NEBL: variants seen among roughly 807,000 people sequenced by gnomAD.
The protein encoded by NEBL is nebulette.
Under a neutral mutation model 140.2 loss-of-function variants are expected in NEBL, and 122 were observed. The observed-to-expected ratio is 0.87, with a 90% CI of 0.75 to 1.01. NEBL has a LOEUF of 1.01. Among genes scored for constraint, NEBL ranks in the 50% least tolerant of loss-of-function variants. The pLI, the probability that NEBL is intolerant of heterozygous loss-of-function variation, is 0.00. For synonymous variants in NEBL, 436 were observed against 398.9 expected (o/e 1.09, Z -1.11); for missense variants, 1,365 against 1,231.3 (o/e 1.11, Z -1.62).
intron 3 of NEBL, among the ~76,000 whole-genome samples, chr10:21,180,104 T>C (rs897120843): frequency 6.6e-6 from 1 of 151,850 alleles, no homozygotes; most frequent in Non-Finnish European, 1.5e-5. Flanking sequence ...GCCACTGTAC[T>C]TCAGACTGGG....
At chr10:21,232,186 A>C (rs772201570) in intron 3 of NEBL, among the ~76,000 whole-genome samples, 2 of 152,016 alleles carry the variant, frequency 1.3e-5, no homozygotes, top group African/African-American at 2.4e-5. Context: ...AGGCAAGAAG[A>C]AGCATAGGAA....
intron 2 of NEBL, among the ~76,000 whole-genome samples, chr10:21,065,361 T>G (rs756518890): frequency 2.0e-5 from 3 of 152,130 alleles, no homozygotes; most frequent in Non-Finnish European, 2.9e-5. Flanking sequence ...CTGGGAGAAT[T>G]TGAGATGATA....
intron 10 of NEBL, 144 bp from the exon 11 acceptor site, chr10:20,850,646 C>T (rs1262290974): frequency 1.6e-6 from 1 of 625,598 alleles, no homozygotes; most frequent in Non-Finnish European, 2.8e-6. Context: ...ACTGGGTTCC[C>T]TTTGGTTAAT....
chr10:21,254,317 G>C (rs1418752955), intron 1 of NEBL, among the ~76,000 whole-genome samples: 2 of 152,066 alleles, frequency 1.3e-5, no homozygotes, highest in Admixed American at 1.3e-4. Flanking sequence ...TGTTTTTGTA[G>C]AGACAGGGTC....
At chr10:20,848,522 A>T (rs780931019) in intron 11 of NEBL, among the ~76,000 whole-genome samples, 3 of 152,220 alleles carry the variant, frequency 2.0e-5, no homozygotes, top group Admixed American at 6.5e-5. Flanking sequence ...GTAACAAAGC[A>T]GGAGGTGAGC....
At position 20,963,853 on chromosome 10, in the gene NEBL, C is replaced by G. The variant is rs138957953; in HGVS notation, c.250-2074G>C. Among the ~76,000 whole-genome samples the G allele has an allele frequency of 7.3e-4, 111 of 152,272 alleles. No homozygotes were observed. The East Asian group carries it at 0.02, about 27-fold the overall frequency. On this transcript the variant is annotated intron_variant, in intron 3 of 6. Coordinates refer to the NEBL transcript ENST00000417816. The stretch of plus-strand genomic sequence containing the variant: ...ATGGCTTGCAGAGTGTTGCAGGATT[C>G]CTATTTCTTTTGAATGGTGTGAAAC...
chr10:21,117,299 T>A (rs368949395), intron 2 of NEBL, among the ~76,000 whole-genome samples: 1 of 151,932 alleles, frequency 6.6e-6, no homozygotes, highest in East Asian at 1.9e-4. Flanking sequence ...CTTGATTCTC[T>A]CCTGCATCTT....
At chr10:20,820,265 G>T (rs907103114) in intron 19 of NEBL, among the ~76,000 whole-genome samples, 1 of 152,134 alleles carries the variant, frequency 6.6e-6, no homozygotes, top group Non-Finnish European at 1.5e-5. Flanking sequence ...ATGCACAGAG[G>T]TGTTTTTCTT....
chr10:21,074,445 A>C (rs1404664375), intron 2 of NEBL, among the ~76,000 whole-genome samples: 2 of 151,856 alleles, frequency 1.3e-5, no homozygotes, highest in African/African-American at 4.8e-5. Flanking sequence ...TCTCTTGTAA[A>C]ATGCTGCTCC....
chr10:21,144,448 G>T (rs1297492311), intron 2 of NEBL, among the ~76,000 whole-genome samples: 1 of 152,176 alleles, frequency 6.6e-6, no homozygotes, highest in Non-Finnish European at 1.5e-5. Flanking sequence ...GAATGGGGCC[G>T]GGTGCTGTGG....
intron 1 of NEBL, among the ~76,000 whole-genome samples, chr10:21,256,283 G>T (rs956711173): frequency 1.3e-5 from 2 of 151,984 alleles, no homozygotes; most frequent in Non-Finnish European, 2.9e-5. Context: ...GGCCAGGCTG[G>T]TCTCAAACTC....
intron 2 of NEBL, among the ~76,000 whole-genome samples, chr10:20,891,156 C>T (rs7923995): frequency 0.041 from 6,277 of 152,240 alleles, 380 homozygotes; most frequent in African/African-American, 0.14. Context: ...GAACTAGATA[C>T]AGATTAAGTG....
chr10:21,257,157 G>T (rs1429906950), intron 1 of NEBL, among the ~76,000 whole-genome samples: 1 of 152,158 alleles, frequency 6.6e-6, no homozygotes, highest in East Asian at 1.9e-4. Context: ...AAAATTATAT[G>T]ACTTGGGTCC....
At chr10:20,974,138 G>T (rs1836693753) in intron 3 of NEBL, among the ~76,000 whole-genome samples, 1 of 152,096 alleles carries the variant, frequency 6.6e-6, no homozygotes, top group African/African-American at 2.4e-5. Flanking sequence ...GTAGAGTCAG[G>T]ATTCAAACCC....
At chr10:21,073,164 A>C (rs1835895131) in intron 2 of NEBL, among the ~76,000 whole-genome samples, 1 of 152,072 alleles carries the variant, frequency 6.6e-6, no homozygotes, top group African/African-American at 2.4e-5. Flanking sequence ...CCCTGGAAAA[A>C]TGTCTTCATT....
chr10:21,204,010 CA>C (rs1173017137), intron 3 of NEBL, among the ~76,000 whole-genome samples: 1 of 152,154 alleles, frequency 6.6e-6, no homozygotes, highest in Non-Finnish European at 1.5e-5. Flanking sequence ...TCAGATTCCC[CA>C]AGAGGCAGAC....
At position 21,169,065 on chromosome 10, in the gene NEBL, AAAATATATATATATATAT is replaced by A. The variant is rs1266241983; in HGVS notation, c.164+3300_164+3317del. On this transcript the variant is annotated intron_variant, in intron 2 of 6. Transcript: ENST00000417816. ...CTCCGTCTACAAAAAAAAAAAAAAA[AAAATATATATATATATAT>A]ATATATATATATATATATATATATT... Among the ~76,000 whole-genome samples, 102 of 28,574 alleles carry A rather than the reference AAAATATATATATATATAT, an allele frequency of 3.6e-3. 4 individuals carry two copies. The highest frequency in any genetic ancestry group is 0.036 in the East Asian group (45 of 1,264). 18.7% of individuals were successfully genotyped at this position (28,574 alleles called of 152,430 possible). A position where few individuals can be genotyped will look rare whatever the true frequency, so the allele number is the denominator to read the frequency against.
chr10:20,827,756 G>A (rs1237674042), intron 17 of NEBL, among the ~76,000 whole-genome samples: 1 of 152,156 alleles, frequency 6.6e-6, no homozygotes, highest in Non-Finnish European at 1.5e-5. Context: ...AAAAGAATGA[G>A]ATCATGGCCT....
intron 1 of NEBL, among the ~76,000 whole-genome samples, chr10:21,288,814 G>C (rs1379961345): frequency 3.4e-4 from 2 of 5,958 alleles, no homozygotes; most frequent in Non-Finnish European, 7.7e-4. Context: ...ATATACGTGT[G>C]TGTGTGTATA....
Sources: allele counts gnomAD v4.1 joint callset (sites outside exome capture counted in the v4.1 genomes callset), GRCh38; gene constraint gnomAD v4.1.1; transcripts MANE v1.5; gene names NCBI Gene and HGNC (gene_info 2026-07-23, HGNC 2026-07-21).